Variants in FRMD5 observed in about 807,000 individuals in gnomAD.
FRMD5 encodes the protein FERM domain containing 5, also known as FERM domain-containing protein 5.
FRMD5 carries 20 observed loss-of-function variants against 69.0 expected under a neutral mutation model. That is an observed-to-expected ratio of 0.29 (90% CI 0.20 to 0.42). The LOEUF (loss-of-function observed/expected upper bound fraction) is 0.42. Among genes scored for constraint, FRMD5 ranks in the 10% least tolerant of loss-of-function variants. The pLI is 1.00. For missense variants in FRMD5, 595 were observed against 708.6 expected, an observed-to-expected ratio of 0.84 and a Z score of 1.82; for synonymous variants, 271 against 260.1, an observed-to-expected ratio of 1.04 and a Z score of -0.40.
At chr15:43,970,031 C>G (rs553258179) in intron 1 of FRMD5, among the ~76,000 whole-genome samples, 23 of 152,240 alleles carry the variant, frequency 1.5e-4, no homozygotes, top group African/African-American at 5.5e-4. Flanking sequence ...TGACAAAATG[C>G]AAATCACAAA....
intron 1 of FRMD5, among the ~76,000 whole-genome samples, chr15:44,059,524 T>G (rs1201985841): frequency 6.6e-6 from 1 of 152,208 alleles, no homozygotes; most frequent in East Asian, 1.9e-4. Context: ...TCTTTCTTTC[T>G]TTTTTGAGAT....
At chr15:43,913,832 A>G (rs1231440241) in intron 4 of FRMD5, among the ~76,000 whole-genome samples, 1 of 152,238 alleles carries the variant, frequency 6.6e-6, no homozygotes, top group Non-Finnish European at 1.5e-5. Context: ...TAATTCACTT[A>G]GTTATCAGGT....
chr15:44,052,650 C>T (rs1327563848), intron 1 of FRMD5, among the ~76,000 whole-genome samples: 1 of 152,128 alleles, frequency 6.6e-6, no homozygotes, highest in Non-Finnish European at 1.5e-5. Context: ...TTGGGAAGCA[C>T]CACTCTAATA....
At chr15:44,009,782 G>A (rs1028654885) in intron 1 of FRMD5, among the ~76,000 whole-genome samples, 2 of 152,180 alleles carry the variant, frequency 1.3e-5, no homozygotes, top group East Asian at 3.9e-4. Flanking sequence ...CCAGAGAACA[G>A]GCTGCTAAGA....
chr15:44,078,606 A>G (rs988204199), intron 1 of FRMD5, among the ~76,000 whole-genome samples: 1 of 152,160 alleles, frequency 6.6e-6, no homozygotes, highest in Non-Finnish European at 1.5e-5. Context: ...AATAAAATAG[A>G]GCCCAGAAAT....
rs555359090 is a variant in FRMD5, at chr15:44,009,186, T to C, written c.103-84877A>G. On this transcript the variant is annotated intron_variant, in intron 1 of 13. Coordinates refer to ENST00000417257, the MANE Select transcript of FRMD5 (RefSeq NM_032892.5). ...AATGGATGAACAAATCACTAATTTA[T>C]TGCCTCAGCTCACACTATCTCTTCT... 2.0e-5 allele frequency among the ~76,000 whole-genome samples: 3 copies of C among 152,342 alleles called. No individual in the cohort carries two copies. The East Asian group carries it at 5.8e-4, about 29-fold the overall frequency.
chr15:44,039,431 G>T (rs1191424140), intron 1 of FRMD5, among the ~76,000 whole-genome samples: 1 of 152,170 alleles, frequency 6.6e-6, no homozygotes, highest in Admixed American at 6.5e-5. Context: ...AGCTCTCGCT[G>T]GCAACTGGCA....
At position 44,148,473 on chromosome 15, in the gene FRMD5, G is replaced by A. The variant is rs540319453; in HGVS notation, c.102+46480C>T. 6.2e-4 allele frequency among the ~76,000 whole-genome samples: 94 copies of A among 152,184 alleles called. 2 individuals are homozygous for A. The highest frequency in any genetic ancestry group is 5.2e-4 in the Admixed American group (8 of 15,290). On this transcript the variant is annotated intron_variant, in intron 1 of 13. Transcript: ENST00000417257. ...TTTTTAGTTGAGACGGGGTTTCACC[G>A]TGTTAGCCAGGATGGTCTCTATCTC...
At chr15:43,880,466 C>T (rs189245070) in intron 13 of FRMD5, among the ~76,000 whole-genome samples, 178 of 152,298 alleles carry the variant, frequency 1.2e-3, no homozygotes, top group Non-Finnish European at 1.9e-3. Flanking sequence ...CACCTGAACT[C>T]TCGCCTCCTG....
intron 5 of FRMD5, among the ~76,000 whole-genome samples, chr15:43,907,272 T>G (rs2089196918): frequency 6.6e-6 from 1 of 152,220 alleles, no homozygotes; most frequent in South Asian, 2.1e-4. Flanking sequence ...GGACTTGTAC[T>G]TTTTCACTAC....
At chr15:43,993,471 G>T (rs1234076703) in intron 1 of FRMD5, among the ~76,000 whole-genome samples, 1 of 152,224 alleles carries the variant, frequency 6.6e-6, no homozygotes, top group Non-Finnish European at 1.5e-5. Flanking sequence ...GGAATTACAG[G>T]CGTGAGCCAC....
rs189369814 is a variant in FRMD5 at position 43,925,358 on chromosome 15, T to G, written c.103-1049A>C. Among the ~76,000 whole-genome samples the G allele has an allele frequency of 5.3e-4, 80 of 152,314 alleles. 1 individual carries two copies. The highest frequency in any genetic ancestry group is 1.8e-3 in the African/African-American group (74 of 41,584). On this transcript the variant is annotated intron_variant, in intron 1 of 13. Transcript: ENST00000417257. ...ATACACAGGCAAACCTACATACATA[T>G]ACATCTCCTCTTTTAAAAATACATT...
intron 1 of FRMD5, among the ~76,000 whole-genome samples, chr15:44,011,011 T>A (rs919189257): frequency 6.6e-5 from 10 of 152,002 alleles, no homozygotes; most frequent in South Asian, 2.1e-4. Context: ...CACTAATAAC[T>A]GGAATGCAGG....
At chr15:44,056,260 C>G (rs907590433) in intron 1 of FRMD5, among the ~76,000 whole-genome samples, 2 of 151,900 alleles carry the variant, frequency 1.3e-5, no homozygotes, top group African/African-American at 4.8e-5. Flanking sequence ...TTAAAGATAC[C>G]CAGGAGGAAA....
rs914570949 is a variant in FRMD5, at chr15:43,963,127, G to A, written c.103-38818C>T. ...CATCAGAGTGAACAGGCAACCTACA[G>A]AATGGGAGAAAAGTTTTGCAACCTA... On this transcript the variant is annotated intron_variant, in intron 1 of 13. Coordinates refer to ENST00000417257, the MANE Select transcript of FRMD5 (RefSeq NM_032892.5). 5.2e-3 allele frequency among the ~76,000 whole-genome samples: 795 copies of A among 152,290 alleles called. 5 individuals are homozygous for A. The highest frequency in any genetic ancestry group is 8.7e-3 in the Non-Finnish European group (594 of 68,032).
chr15:44,041,384 T>C (rs1892184299), intron 1 of FRMD5, among the ~76,000 whole-genome samples: 2 of 152,002 alleles, frequency 1.3e-5, no homozygotes, highest in Non-Finnish European at 2.9e-5. Flanking sequence ...CAACAGAATA[T>C]ACATTCTGCT....
intron 13 of FRMD5, among the ~76,000 whole-genome samples, chr15:43,882,449 C>T (rs2140351779): frequency 6.6e-6 from 1 of 152,228 alleles, no homozygotes; most frequent in African/African-American, 2.4e-5. Context: ...ACCTCCGCCT[C>T]CTGGGTTCAA....
intron 1 of FRMD5, among the ~76,000 whole-genome samples, chr15:44,111,909 G>A (rs1441949758): frequency 6.6e-6 from 1 of 151,290 alleles, no homozygotes; most frequent in African/African-American, 2.4e-5. Context: ...GGAATGCAGC[G>A]GCACCACCTC....
At chr15:44,089,930 C>T (rs2076448223) in intron 1 of FRMD5, among the ~76,000 whole-genome samples, 2 of 152,038 alleles carry the variant, frequency 1.3e-5, no homozygotes, top group Admixed American at 1.3e-4. Context: ...ACTTTGTCTT[C>T]CACCTCTCTC....
Sources: gnomAD v4.1 joint callset for allele counts (sites outside exome capture counted in the v4.1 genomes callset) on GRCh38, gnomAD v4.1.1 for gene constraint, MANE v1.5 for transcripts, NCBI Gene and HGNC (gene_info 2026-07-23, HGNC 2026-07-21) for gene names.